Variants in PBX1 observed in about 807,000 individuals in gnomAD.
PBX1 encodes PBX homeobox 1, also known as pre-B-cell leukemia transcription factor 1.
Under a neutral mutation model 53.4 loss-of-function variants are expected in PBX1, and 6 were observed. That is an observed-to-expected ratio of 0.11 (90% CI 0.06 to 0.22). The LOEUF (loss-of-function observed/expected upper bound fraction) is 0.22, where lower values mean the gene tolerates loss of function less well. Ranked by LOEUF, PBX1 falls within the 10% of genes least tolerant of loss-of-function variation. The pLI is 1.00. For synonymous variants in PBX1, 204 were observed against 212.3 expected (o/e 0.96, Z 0.34); for missense variants, 251 against 551.4 (o/e 0.46, Z 5.46).
chr1:164,627,268 C>G (rs959368906), intron 2 of PBX1, among the ~76,000 whole-genome samples: 1 of 152,140 alleles, frequency 6.6e-6, no homozygotes, highest in Non-Finnish European at 1.5e-5. Context: ...TTACAGTCCC[C>G]TTTCATAGCC....
At chr1:164,795,533 T>A (rs1315034820) in intron 3 of PBX1, among the ~76,000 whole-genome samples, 1 of 152,246 alleles carries the variant, frequency 6.6e-6, no homozygotes, top group Non-Finnish European at 1.5e-5. Flanking sequence ...ACTACTCATC[T>A]GTATTTATTA....
At chr1:164,696,317 G>A (rs1662797371) in intron 2 of PBX1, among the ~76,000 whole-genome samples, 1 of 152,042 alleles carries the variant, frequency 6.6e-6, no homozygotes, top group Non-Finnish European at 1.5e-5. Flanking sequence ...GGAAGTTGAA[G>A]GAAAGGTATG....
chr1:164,658,448 A>G (rs1286798093), intron 2 of PBX1, among the ~76,000 whole-genome samples: 1 of 152,230 alleles, frequency 6.6e-6, no homozygotes, highest in Admixed American at 6.5e-5. Context: ...ATTACTAGAG[A>G]TAAAATATTA....
At chr1:164,575,488 G>T (rs1020686101) in intron 2 of PBX1, among the ~76,000 whole-genome samples, 36 of 152,336 alleles carry the variant, frequency 2.4e-4, no homozygotes, top group African/African-American at 8.4e-4. Context: ...AGGGCAGAGA[G>T]AGTCAGTCGT....
At chr1:164,660,103 A>G (rs1352285085) in intron 2 of PBX1, among the ~76,000 whole-genome samples, 1 of 152,174 alleles carries the variant, frequency 6.6e-6, no homozygotes, top group Non-Finnish European at 1.5e-5. Flanking sequence ...CCAAAGGAAA[A>G]TGAGGAGGGG....
chr1:164,634,302 C>T (rs747658422), intron 2 of PBX1, among the ~76,000 whole-genome samples: 19 of 152,214 alleles, frequency 1.2e-4, no homozygotes, highest in Non-Finnish European at 2.4e-4. Context: ...TGACCTTCTG[C>T]AGTGCCCTGC....
chr1:164,768,622 C>G (rs1284735436), intron 2 of PBX1, among the ~76,000 whole-genome samples: 1 of 152,198 alleles, frequency 6.6e-6, no homozygotes, highest in East Asian at 1.9e-4. Flanking sequence ...AGAACAGTTG[C>G]CTTGTGCTGA....
At chr1:164,751,583 T>TCCC (rs1666223346) in intron 2 of PBX1, among the ~76,000 whole-genome samples, 1 of 135,612 alleles carries the variant, frequency 7.4e-6, no homozygotes, top group African/African-American at 2.6e-5. Context: ...TTGCCCCCCT[T>TCCC]TTTTTTTTTT....
chr1:164,678,921 A>G (rs1661591056), intron 2 of PBX1, among the ~76,000 whole-genome samples: 1 of 152,168 alleles, frequency 6.6e-6, no homozygotes, highest in African/African-American at 2.4e-5. Context: ...CTCTAAGGTT[A>G]TTTTAATTTA....
At chr1:164,604,353 AC>A (rs2101809592) in intron 2 of PBX1, among the ~76,000 whole-genome samples, 1 of 152,298 alleles carries the variant, frequency 6.6e-6, no homozygotes, top group Admixed American at 6.5e-5. Context: ...CTTTGTATCC[AC>A]CTGTGTTTCA....
chr1:164,827,865 G>C (rs977365639), intron 8 of PBX1, among the ~76,000 whole-genome samples: 1 of 152,086 alleles, frequency 6.6e-6, no homozygotes, highest in East Asian at 1.9e-4. Flanking sequence ...TTTACCTTGA[G>C]GAATGAAGCT....
At chr1:164,715,210 T>C (rs1446226106) in intron 2 of PBX1, among the ~76,000 whole-genome samples, 1 of 152,232 alleles carries the variant, frequency 6.6e-6, no homozygotes, top group East Asian at 1.9e-4. Flanking sequence ...TTAAATGATT[T>C]TTCTTCTAAG....
chr1:164,824,093 A>C (rs1480049469), intron 8 of PBX1, among the ~76,000 whole-genome samples: 2 of 152,188 alleles, frequency 1.3e-5, no homozygotes, highest in Non-Finnish European at 2.9e-5. Flanking sequence ...CCAAAGCTGC[A>C]GTGGAATTCC....
Position 164,872,826 on chromosome 1 carries a change from A to G in PBX1, n.258-26362A>G, listed in dbSNP as rs1263215100. Among the ~76,000 whole-genome samples, 3 of 152,180 alleles carry G rather than the reference A, an allele frequency of 2.0e-5. No homozygotes were observed. In the East Asian group the frequency reaches 5.8e-4, roughly 29 times the overall value. On this transcript the variant is annotated intron_variant and non_coding_transcript_variant, in intron 2 of 2. Coordinates refer to the PBX1 transcript ENST00000558796. ...AATACTTTTACATTTATCCTTGTTA[A>G]GTGCCATCCTATTAGATTTGGTCCT...
intron 1 of PBX1, among the ~76,000 whole-genome samples, chr1:164,561,950 CT>C (rs1008861163): frequency 8.2e-4 from 120 of 146,936 alleles, no homozygotes; most frequent in Middle Eastern, 7.2e-3. Context: ...TATTTTCCAT[CT>C]TTTTTTTTTT....
intron 2 of PBX1, among the ~76,000 whole-genome samples, chr1:164,570,638 T>G (rs568589856): frequency 1.3e-5 from 2 of 152,356 alleles, no homozygotes; most frequent in East Asian, 3.9e-4. Context: ...TCCAAGTCTT[T>G]GCTATTGTGA....
At chr1:164,681,774 T>G (rs953604976) in intron 2 of PBX1, among the ~76,000 whole-genome samples, 7 of 152,134 alleles carry the variant, frequency 4.6e-5, no homozygotes, top group Non-Finnish European at 1.0e-4. Context: ...CCATCCCCCA[T>G]GACATGTAAT....
chr1:164,827,665 G>A (rs541708999), intron 8 of PBX1, among the ~76,000 whole-genome samples: 1 of 152,228 alleles, frequency 6.6e-6, no homozygotes, highest in South Asian at 2.1e-4. Flanking sequence ...TTCAGCCCAC[G>A]ATGATTGAAG....
intron 8 of PBX1, among the ~76,000 whole-genome samples, chr1:164,844,214 AT>A (rs1039826070): frequency 6.8e-6 from 1 of 147,682 alleles, no homozygotes; most frequent in African/African-American, 2.5e-5. Flanking sequence ...CTGCTGAGTC[AT>A]TTTTATTCCT....
Sources: allele counts gnomAD v4.1 joint callset (sites outside exome capture counted in the v4.1 genomes callset), GRCh38; gene constraint gnomAD v4.1.1; transcripts MANE v1.5; gene names NCBI Gene and HGNC (gene_info 2026-07-23, HGNC 2026-07-21).